Variants in RPS6KC1 observed in about 807,000 individuals in gnomAD.
RPS6KC1 encodes inactive ribosomal protein S6 kinase delta-1.
In RPS6KC1, 54 loss-of-function variants were observed where a neutral mutation model predicts 103.8. The ratio of observed to expected loss-of-function variants is 0.52; its 90% confidence interval spans 0.42 to 0.65. RPS6KC1 has a LOEUF of 0.65. Among genes scored for constraint, RPS6KC1 ranks in the 30% least tolerant of loss-of-function variants. The pLI is 0.00. For synonymous variants in RPS6KC1, 439 were observed against 438.7 expected, an observed-to-expected ratio of 1.00 and a Z score of -0.01; for missense variants, 1,151 against 1,253.8, an observed-to-expected ratio of 0.92 and a Z score of 1.24.
At chr1:213,822,305 T>C in the RPS6KC1 span, 1 of 152,228 alleles carries the variant, frequency 6.6e-6, no homozygotes, top group African/African-American at 2.4e-5. Context: ...TCTAACAGTT[T>C]GAGTAATGTA....
the RPS6KC1 span, among the ~76,000 whole-genome samples, chr1:213,797,796 A>C: frequency 1.3e-5 from 2 of 152,232 alleles, no homozygotes. Context: ...CATGATGGAA[A>C]ACCTGGTAGG....
intron 5 of RPS6KC1, among the ~76,000 whole-genome samples, chr1:213,118,219 T>G (rs890009287): frequency 6.6e-6 from 1 of 151,926 alleles, no homozygotes. Flanking sequence ...GAATGCTTAA[T>G]CTCTTGTTTT....
chr1:213,057,938 G>T (rs1378057672), intron 1 of RPS6KC1, among the ~76,000 whole-genome samples: 1 of 147,834 alleles, frequency 6.8e-6, no homozygotes, highest in East Asian at 2.0e-4. Context: ...GCTAATTTTT[G>T]TATTTTTTAA....
chr1:213,051,299 G>GT lies in RPS6KC1; in HGVS notation c.-106_-105insT. ...GCCGTGGAGCCGCCTTGGAGCCACC[G>GT]CCCCCTCGCCGCTTCGCCGCTGCGT... On this transcript the variant is annotated 5_prime_UTR_variant, in exon 1 of 15. Transcript: ENST00000366960. 3.9e-6 allele frequency: 3 copies of GT among 778,370 alleles called. No homozygotes were observed. The highest frequency in any genetic ancestry group is 6.4e-6 in the Non-Finnish European group (3 of 469,578). The allele number at this position is 778,370 out of a possible 1,614,324, so 48.2% of individuals were successfully genotyped here. A position where few individuals can be genotyped will look rare whatever the true frequency, so the allele number is the denominator to read the frequency against.
the RPS6KC1 span, among the ~76,000 whole-genome samples, chr1:213,573,732 C>A: frequency 6.6e-6 from 1 of 152,134 alleles, no homozygotes; most frequent in East Asian, 1.9e-4. Context: ...GACGGTGGTG[C>A]CCTTTGAAGG....
chr1:213,177,187 G>A (rs752485757), intron 8 of RPS6KC1, among the ~76,000 whole-genome samples: 11 of 152,156 alleles, frequency 7.2e-5, no homozygotes, highest in South Asian at 2.1e-4. Flanking sequence ...GACATCTCAC[G>A]CCAAATATTA....
chr1:213,735,342 T>C, the RPS6KC1 span, among the ~76,000 whole-genome samples: 1 of 152,190 alleles, frequency 6.6e-6, no homozygotes, highest in African/African-American at 2.4e-5. Context: ...ATGTTCAGTC[T>C]AAGGTGTATG....
chr1:213,560,870 G>A, the RPS6KC1 span, among the ~76,000 whole-genome samples: 4 of 152,264 alleles, frequency 2.6e-5, no homozygotes, highest in Non-Finnish European at 5.9e-5. Flanking sequence ...TAAGCAGTGG[G>A]CAAGCCTGCT....
the RPS6KC1 span, among the ~76,000 whole-genome samples, chr1:213,848,919 A>T: frequency 6.6e-6 from 1 of 152,114 alleles, no homozygotes; most frequent in Non-Finnish European, 1.5e-5. Context: ...GGGCATTAAG[A>T]GTGAGAGAAA....
rs149213844 is a variant in RPS6KC1, at chr1:213,105,442, C to T, written c.378+873C>T. On this transcript the variant is annotated intron_variant, in intron 4 of 14. Coordinates refer to ENST00000366960, the MANE Select transcript of RPS6KC1 (RefSeq NM_012424.6). ...AGTTAAATTTCTTAGCCTATATAACCAGTGATATGTATGAATAGTGAGATA... is the reference window on the plus strand; with the variant it reads ...AGTTAAATTTCTTAGCCTATATAACTAGTGATATGTATGAATAGTGAGATA... Among the ~76,000 whole-genome samples, 642 of 151,812 alleles carry T rather than the reference C, an allele frequency of 4.2e-3. 6 individuals are homozygous for T. Among genetic ancestry groups the T allele is most frequent in the African/African-American group, 0.015 (617 of 41,404 alleles).
At chr1:213,787,350 A>T in the RPS6KC1 span, among the ~76,000 whole-genome samples, 1 of 152,194 alleles carries the variant, frequency 6.6e-6, no homozygotes, top group African/African-American at 2.4e-5. Flanking sequence ...AAGCAGGTTA[A>T]AGAGAGAGTG....
intron 6 of RPS6KC1, among the ~76,000 whole-genome samples, chr1:213,164,379 C>G (rs928866294): frequency 2.0e-5 from 3 of 152,110 alleles, no homozygotes; most frequent in Non-Finnish European, 2.9e-5. Flanking sequence ...TGGATTTTCT[C>G]CTCATATCTA....
chr1:213,276,448 G>T (rs1258402053), downstream of RPS6KC1, among the ~76,000 whole-genome samples: 1 of 152,124 alleles, frequency 6.6e-6, no homozygotes, highest in East Asian at 1.9e-4. Context: ...TGGTGTCCTG[G>T]TCATGTCTCT....
intron 7 of RPS6KC1, among the ~76,000 whole-genome samples, chr1:213,173,038 TA>T (rs1270686260): frequency 6.6e-6 from 1 of 152,228 alleles, no homozygotes. Context: ...TCTTATCTAT[TA>T]CCTACTTTTG....
chr1:213,431,283 G>A, the RPS6KC1 span, among the ~76,000 whole-genome samples: 2 of 152,124 alleles, frequency 1.3e-5, no homozygotes, highest in African/African-American at 4.8e-5. Flanking sequence ...TTTTTTTAAT[G>A]AGATTTTTTT....
In RPS6KC1 at chr1:213,051,294, C is replaced by T; in HGVS notation, c.-111C>T. On this transcript the variant is annotated 5_prime_UTR_variant, in exon 1 of 15. Transcript: ENST00000366960. ...GCGCCGCCGTGGAGCCGCCTTGGAG[C>T]CACCGCCCCCTCGCCGCTTCGCCGC... 2.7e-6 allele frequency: 2 copies of T among 750,308 alleles called. No homozygotes were observed. Among genetic ancestry groups the T allele is most frequent in the African/African-American group, 1.8e-5 (1 of 56,910 alleles). The allele number at this position is 750,308 out of a possible 1,614,324, so 46.5% of individuals were successfully genotyped here.
chr1:213,290,373 G>A, the RPS6KC1 span, among the ~76,000 whole-genome samples: 1 of 152,078 alleles, frequency 6.6e-6, no homozygotes, highest in East Asian at 1.9e-4. Flanking sequence ...GTTTATTTCT[G>A]TACAAATGGA....
At chr1:213,589,184 T>C in the RPS6KC1 span, among the ~76,000 whole-genome samples, 3 of 152,138 alleles carry the variant, frequency 2.0e-5, no homozygotes, top group Non-Finnish European at 4.4e-5. Context: ...AGCATGTGCA[T>C]CAGAAGAGAA....
At chr1:213,669,976 G>T in the RPS6KC1 span, among the ~76,000 whole-genome samples, 1 of 152,208 alleles carries the variant, frequency 6.6e-6, no homozygotes, top group Non-Finnish European at 1.5e-5. Flanking sequence ...GGAATGGTCA[G>T]TGGAGTACAG....
Sources: allele counts gnomAD v4.1 joint callset (sites outside exome capture counted in the v4.1 genomes callset), GRCh38; gene constraint gnomAD v4.1.1; transcripts MANE v1.5; gene names NCBI Gene and HGNC (gene_info 2026-07-23, HGNC 2026-07-21).